Variants in DLGAP1 observed in about 807,000 individuals in gnomAD.
DLGAP1 encodes the protein DLG associated protein 1.
In DLGAP1, 11 loss-of-function variants were observed where a neutral mutation model predicts 90.8. The ratio of observed to expected loss-of-function variants is 0.12; its 90% CI spans 0.08 to 0.20. DLGAP1 has a LOEUF of 0.20. Among genes scored for constraint, DLGAP1 ranks in the 10% least tolerant of loss-of-function variants. The pLI is 1.00. For synonymous variants in DLGAP1, 558 were observed against 540.7 expected, an observed-to-expected ratio of 1.03 and a Z score of -0.44; for missense variants, 1,050 against 1,333.8, an observed-to-expected ratio of 0.79 and a Z score of 3.31.
rs1471934274 is a variant in DLGAP1 at position 3,769,659 on chromosome 18, A to G, written c.1173-27147T>C. On this transcript the variant is annotated intron_variant, in intron 5 of 12. Coordinates refer to ENST00000315677, the MANE Select transcript of DLGAP1 (RefSeq NM_004746.4). ...TTCATGTAAAATGACAGAGTTACAG[A>G]AATGGAGAACAGATTGGTGATTGCG... Among the ~76,000 whole-genome samples the G allele has an allele frequency of 2.0e-5, 3 of 152,322 alleles. No homozygotes were observed. In the East Asian group the frequency reaches 5.8e-4, roughly 29 times the overall value.
chr18:4,115,233 G>T (rs543356245), intron 2 of DLGAP1, among the ~76,000 whole-genome samples: 1 of 151,862 alleles, frequency 6.6e-6, no homozygotes, highest in South Asian at 2.1e-4. Context: ...TCATATATGT[G>T]TCTATTCCTT....
chr18:3,903,336 C>T (rs1200564402), intron 3 of DLGAP1, among the ~76,000 whole-genome samples: 1 of 152,144 alleles, frequency 6.6e-6, no homozygotes, highest in Non-Finnish European at 1.5e-5. Flanking sequence ...AACCTACCTC[C>T]TTTTAATAAA....
rs1265924147 is a variant in DLGAP1 at position 3,887,198 on chromosome 18, G to A, written c.-72-7058C>T. On this transcript the variant is annotated intron_variant, in intron 3 of 12. Transcript: ENST00000315677. ...GCAGAGGGAGTCTGTGTGGAGAGAGGAGACAAAATAGCTCGCGGTTATTTT... is the reference window on the plus strand; with the variant it reads ...GCAGAGGGAGTCTGTGTGGAGAGAGAAGACAAAATAGCTCGCGGTTATTTT... Among the ~76,000 whole-genome samples, 3 of 152,172 alleles carry A rather than the reference G, an allele frequency of 2.0e-5. No homozygotes were observed. The East Asian group carries it at 5.8e-4, about 29-fold the overall frequency.
intron 1 of DLGAP1, among the ~76,000 whole-genome samples, chr18:4,369,954 G>A (rs531767755): frequency 6.6e-6 from 1 of 152,040 alleles, no homozygotes; most frequent in Non-Finnish European, 1.5e-5. Context: ...GGTGTGATAC[G>A]GTTATGATCG....
chr18:4,210,057 CA>C (rs1468956565), intron 1 of DLGAP1, among the ~76,000 whole-genome samples: 1 of 152,180 alleles, frequency 6.6e-6, no homozygotes, highest in Non-Finnish European at 1.5e-5. Context: ...TTAAAATTCA[CA>C]TCCTTAGAAA....
chr18:3,780,589 C>G (rs2065146637), intron 5 of DLGAP1, among the ~76,000 whole-genome samples: 1 of 152,170 alleles, frequency 6.6e-6, no homozygotes, highest in South Asian at 2.1e-4. Flanking sequence ...GATTATCCAA[C>G]TGGATCATTC....
At chr18:3,703,984 A>G (rs1269659980) in intron 7 of DLGAP1, among the ~76,000 whole-genome samples, 1 of 152,228 alleles carries the variant, frequency 6.6e-6, no homozygotes, top group Non-Finnish European at 1.5e-5. Context: ...ATATCAGGCA[A>G]TTATACCATT....
intron 3 of DLGAP1, among the ~76,000 whole-genome samples, chr18:3,927,484 C>A (rs1450759902): frequency 6.6e-6 from 1 of 152,130 alleles, no homozygotes; most frequent in Non-Finnish European, 1.5e-5. Flanking sequence ...GCTGTTGTGT[C>A]AATATCAAAA....
intron 1 of DLGAP1, among the ~76,000 whole-genome samples, chr18:4,299,999 C>A (rs630367): frequency 0.61 from 92,544 of 151,906 alleles, 29,295 homozygotes; most frequent in East Asian, 0.77. Context: ...TTAGAATATC[C>A]AAAAAAAAGC....
chr18:3,626,967 C>T (rs1334083210), intron 7 of DLGAP1, among the ~76,000 whole-genome samples: 1 of 152,060 alleles, frequency 6.6e-6, no homozygotes, highest in Non-Finnish European at 1.5e-5. Context: ...TGTGAGCACA[C>T]ACACAAAAAA....
At chr18:4,072,728 C>T (rs1403201486) in intron 2 of DLGAP1, among the ~76,000 whole-genome samples, 1 of 152,168 alleles carries the variant, frequency 6.6e-6, no homozygotes, top group African/African-American at 2.4e-5. Flanking sequence ...CCTCGGCCTC[C>T]CAAAGTGCTG....
At chr18:3,808,647 T>C (rs762289936) in intron 5 of DLGAP1, among the ~76,000 whole-genome samples, 1 of 152,114 alleles carries the variant, frequency 6.6e-6, no homozygotes, top group Non-Finnish European at 1.5e-5. Context: ...ACAGTTCATA[T>C]CTTTGGGGAA....
chr18:4,370,116 G>A (rs1265580558), intron 1 of DLGAP1, among the ~76,000 whole-genome samples: 2 of 152,180 alleles, frequency 1.3e-5, no homozygotes, highest in South Asian at 2.1e-4. Flanking sequence ...TAGGTGAGGG[G>A]TGAATTTGAA....
intron 10 of DLGAP1, among the ~76,000 whole-genome samples, chr18:3,523,738 A>G (rs562246433): frequency 6.6e-6 from 1 of 151,782 alleles, no homozygotes; most frequent in African/African-American, 2.4e-5. Context: ...TCCCAGCTAC[A>G]CTGGGAGGCT....
intron 1 of DLGAP1, among the ~76,000 whole-genome samples, chr18:4,178,381 C>G (rs1054019488): frequency 6.6e-6 from 1 of 151,962 alleles, no homozygotes; most frequent in Admixed American, 6.6e-5. Context: ...TTTTTTATCT[C>G]TGCTTACTTG....
intron 3 of DLGAP1, among the ~76,000 whole-genome samples, chr18:3,938,901 G>A (rs2072702624): frequency 6.6e-6 from 1 of 152,190 alleles, no homozygotes; most frequent in African/African-American, 2.4e-5. Flanking sequence ...GGCTGGAGGT[G>A]ATTGGGCTTG....
intron 1 of DLGAP1, among the ~76,000 whole-genome samples, chr18:4,211,923 A>G (rs982967507): frequency 3.3e-5 from 5 of 152,126 alleles, no homozygotes; most frequent in African/African-American, 1.2e-4. Context: ...TGCCAAATTC[A>G]GGAGAGAATG....
At chr18:3,708,780 C>T (rs2061515550) in intron 7 of DLGAP1, among the ~76,000 whole-genome samples, 1 of 152,212 alleles carries the variant, frequency 6.6e-6, no homozygotes, top group African/African-American at 2.4e-5. Context: ...TAAGAGCGTA[C>T]TTGACAGTAC....
chr18:3,761,575 TTTC>T lies in DLGAP1; in HGVS notation c.1173-19066_1173-19064del, dbSNP rs1296644256. Among the ~76,000 whole-genome samples, 157 of 151,268 alleles carry T rather than the reference TTTC, an allele frequency of 1.0e-3. 2 individuals carry two copies. Among genetic ancestry groups the T allele is most frequent in the African/African-American group, 3.6e-3 (147 of 41,112 alleles). On this transcript the variant is annotated intron_variant, in intron 5 of 12. Transcript: ENST00000315677. The stretch of plus-strand genomic sequence containing the variant: ...TCTGTTTCAGTCCCTTCTTTCTTTC[TTTC>T]TTTTTTTTTTTTTTTAAGACGGAGT...
Sources: allele counts gnomAD v4.1 joint callset (sites outside exome capture counted in the v4.1 genomes callset), GRCh38; gene constraint gnomAD v4.1.1; transcripts MANE v1.5; gene names NCBI Gene and HGNC (gene_info 2026-07-23, HGNC 2026-07-21).